ACTN1: variants seen among roughly 807,000 people sequenced by gnomAD.
ACTN1 encodes actinin alpha 1, also known as alpha-actinin-1.
In ACTN1, 30 loss-of-function variants were observed where a neutral mutation model predicts 119.6. That is an observed-to-expected ratio of 0.25 (90% confidence interval 0.19 to 0.34). ACTN1 has a LOEUF of 0.34. ACTN1 is among the 10% of genes least tolerant of loss of function. The pLI, the probability that ACTN1 is intolerant of heterozygous loss-of-function variation, is 1.00. For synonymous variants in ACTN1, 429 were observed against 472.6 expected, an observed-to-expected ratio of 0.91 and a Z score of 1.20; for missense variants, 764 against 1,223.4, an observed-to-expected ratio of 0.62 and a Z score of 5.60.
Position 68,875,652 on chromosome 14 carries a change from T to C in ACTN1, c.2587-635A>G, listed in dbSNP as rs2030808053. ...AGCTTCAAGATCCAGGAGAGCTCAT[T>C]TGGGGGCTCTGACCCACAAGGTAGT... On this transcript the variant is annotated intron_variant, in intron 21 of 21. Transcript: ENST00000394419. Among the ~76,000 whole-genome samples the C allele has an allele frequency of 2.6e-5, 4 of 152,204 alleles. No homozygotes were observed. In the South Asian group the frequency reaches 8.3e-4, roughly 31 times the overall value.
Position 68,888,784 on chromosome 14 carries a change from A to C in ACTN1, c.1234+1355T>G, listed in dbSNP as rs562856340. Among the ~76,000 whole-genome samples the C allele has an allele frequency of 9.2e-5, 14 of 152,272 alleles. No homozygotes were observed. The South Asian group carries it at 2.1e-3, about 23-fold the overall frequency. Reference sequence around the variant, plus strand: ...TGTGAACTGCGCATGCGAGGGATCTAGGTTGTGTGCTCCTTATGAGAATCT... The same window carrying C: ...TGTGAACTGCGCATGCGAGGGATCTCGGTTGTGTGCTCCTTATGAGAATCT... On this transcript the variant is annotated intron_variant, in intron 11 of 21. Coordinates refer to ENST00000394419, the MANE Select transcript of ACTN1 (RefSeq NM_001130004.2).
At chr14:68,935,145 C>G (rs1446003083) in intron 1 of ACTN1, among the ~76,000 whole-genome samples, 1 of 152,020 alleles carries the variant, frequency 6.6e-6, no homozygotes, top group Non-Finnish European at 1.5e-5. Context: ...GCCTTACCCT[C>G]CCCCGACTAG....
intron 6 of ACTN1, among the ~76,000 whole-genome samples, chr14:68,908,068 C>T (rs568624479): frequency 6.6e-6 from 1 of 151,712 alleles, no homozygotes; most frequent in African/African-American, 2.4e-5. Context: ...CCTCTTCCCC[C>T]AGGAGGTTAG....
intron 1 of ACTN1, among the ~76,000 whole-genome samples, chr14:68,968,587 G>C (rs1230755375): frequency 6.6e-6 from 1 of 152,246 alleles, no homozygotes; most frequent in African/African-American, 2.4e-5. Flanking sequence ...GGTGAGGGAA[G>C]GTTACGGGAT....
intron 1 of ACTN1, among the ~76,000 whole-genome samples, chr14:68,943,199 G>A (rs896199355): frequency 3.3e-5 from 5 of 152,094 alleles, no homozygotes; most frequent in African/African-American, 9.7e-5. Context: ...TGGCCAGCCC[G>A]GTTTGAGGGA....
chr14:68,954,535 C>A (rs1393607922), intron 1 of ACTN1, among the ~76,000 whole-genome samples: 1 of 152,062 alleles, frequency 6.6e-6, no homozygotes. Context: ...ACCATGTTAG[C>A]CAGACTGGTC....
intron 7 of ACTN1, 34 bp from the exon 8 acceptor site, chr14:68,902,596 G>A (rs748774343): frequency 1.9e-6 from 3 of 1,591,526 alleles, no homozygotes; most frequent in Non-Finnish European, 2.6e-6. Flanking sequence ...AAGCCAGCTG[G>A]TTCCAAGAAC....
intron 6 of ACTN1, among the ~76,000 whole-genome samples, chr14:68,905,201 C>T (rs1363031838): frequency 1.3e-5 from 2 of 151,836 alleles, no homozygotes; most frequent in Non-Finnish European, 2.9e-5. Context: ...GAGCAGGAGC[C>T]CCTCTGGTGC....
chr14:68,878,928 A>G lies in ACTN1; in HGVS notation c.2361+61T>C. On this transcript the variant is annotated intron_variant, in intron 19 of 21. Coordinates refer to ENST00000394419, the MANE Select transcript of ACTN1 (RefSeq NM_001130004.2). This position sits in a 1 kb window ranked among gnomAD's most constrained non-coding sequence, Gnocchi z 4.4. ...AGACAGAGAGAAGAGAAAAAGGAAA[A>G]ACGCATTATTTCTTGCCCCAGACGC... is the stretch of plus-strand genomic sequence containing the variant. The G allele has an allele frequency of 6.2e-7, 1 of 1,609,858 alleles. No individual in the cohort carries two copies. Among genetic ancestry groups the G allele is most frequent in the African/African-American group, 1.3e-5 (1 of 74,626 alleles).
chr14:68,960,680 CG>C (rs1471580256), intron 1 of ACTN1, among the ~76,000 whole-genome samples: 3 of 150,588 alleles, frequency 2.0e-5, no homozygotes, highest in African/African-American at 7.3e-5. Flanking sequence ...GGAAGCCAGG[CG>C]GGGAGGATCA....
intron 3 of ACTN1, among the ~76,000 whole-genome samples, chr14:68,913,118 T>C (rs891469273): frequency 6.6e-6 from 1 of 152,226 alleles, no homozygotes; most frequent in African/African-American, 2.4e-5. Context: ...ACCCAATATA[T>C]TTAGTCTAAG....
intron 11 of ACTN1, 69 bp downstream of exon 11, chr14:68,890,070 G>T: frequency 1.9e-6 from 3 of 1,566,764 alleles, no homozygotes; most frequent in Non-Finnish European, 2.6e-6. Context: ...TAGCATAGTG[G>T]CTGCTGGCTG....
At chr14:68,888,083 A>T in intron 11 of ACTN1, 1 of 689,580 alleles carries the variant, frequency 1.5e-6, no homozygotes, top group Non-Finnish European at 2.7e-6. Flanking sequence ...CCCCTTGGGC[A>T]TCCTGGCGGC....
intron 3 of ACTN1, among the ~76,000 whole-genome samples, chr14:68,912,584 C>T (rs1428430101): frequency 2.6e-5 from 4 of 151,970 alleles, no homozygotes; most frequent in Non-Finnish European, 4.4e-5. Context: ...ACGATATTGC[C>T]CAGGCTGGTC....
At chr14:68,910,192 A>C (rs1289429675) in intron 4 of ACTN1, 150 bp from the exon 5 acceptor site, 3 of 603,936 alleles carry the variant, frequency 5.0e-6, no homozygotes, top group Non-Finnish European at 8.6e-6. Flanking sequence ...TTCCCTTGAC[A>C]GAGTTTGAGA....
intron 1 of ACTN1, among the ~76,000 whole-genome samples, chr14:68,940,312 T>C (rs758967843): frequency 2.8e-4 from 43 of 151,944 alleles, no homozygotes; most frequent in Non-Finnish European, 5.0e-4. Context: ...CATAGAGAAC[T>C]CCCCCAGCTG....
Position 68,879,439 on chromosome 14 carries a change from G to A in ACTN1, c.2281-370C>T, listed in dbSNP as rs1257801338. ...AGGTGGGGTGGTGGGCAGCACCCAA[G>A]CCCATGCTCCCACGCCTTGGGACCG... On this transcript the variant is annotated intron_variant, in intron 18 of 21. Transcript: ENST00000394419. This position sits in a 1 kb window ranked among gnomAD's most constrained non-coding sequence, Gnocchi z 4.9. Among the ~76,000 whole-genome samples the A allele has an allele frequency of 6.6e-6, 1 of 152,116 alleles. No individual in the cohort carries two copies. The highest frequency in any genetic ancestry group is 2.4e-5 in the African/African-American group (1 of 41,410).
chr14:68,875,121 G>A (rs1199416647), intron 21 of ACTN1, 104 bp from the exon 22 acceptor site: 10 of 1,555,440 alleles, frequency 6.4e-6, no homozygotes, highest in South Asian at 3.5e-5. Context: ...AGCATGTGCC[G>A]TTTGCATTTT....
At position 68,885,781 on chromosome 14, in the gene ACTN1, A is replaced by C. The variant is rs983802177; in HGVS notation, c.1235-206T>G. ...CGCAACGGGGAAAAGCACTCTCCTC[A>C]GAGCACTTCCAAGGCCATGAAAGTG... On this transcript the variant is annotated intron_variant, in intron 11 of 21. Coordinates refer to ENST00000394419, the MANE Select transcript of ACTN1 (RefSeq NM_001130004.2). This position sits in a 1 kb window ranked among gnomAD's most constrained non-coding sequence, Gnocchi z 5.6. The C allele has an allele frequency of 1.7e-5, 10 of 598,844 alleles. No homozygotes were observed. The highest frequency in any genetic ancestry group is 2.9e-5 in the Non-Finnish European group (10 of 341,274). 37.1% of individuals were successfully genotyped at this position (598,844 alleles called of 1,614,324 possible).
Sources: gnomAD v4.1 joint callset for allele counts (sites outside exome capture counted in the v4.1 genomes callset) on GRCh38, gnomAD v4.1.1 for gene constraint, Gnocchi (gnomAD v3.1) non-coding constraint, MANE v1.5 for transcripts, NCBI Gene and HGNC (gene_info 2026-07-23, HGNC 2026-07-21) for gene names.